Variants in TTC14 observed in about 807,000 individuals in gnomAD.
The protein encoded by TTC14 is tetratricopeptide repeat protein 14.
In TTC14, 63 loss-of-function variants were observed where a neutral mutation model predicts 79.9. That is an observed-to-expected ratio of 0.79 (90% CI 0.64 to 0.97). The LOEUF is 0.97. Ranked by LOEUF, TTC14 falls within the 50% of genes least tolerant of loss-of-function variation. TTC14 has a pLI of 0.00. For synonymous variants in TTC14, 335 were observed against 309.6 expected, an observed-to-expected ratio of 1.08 and a Z score of -0.86; for missense variants, 895 against 894.0, an observed-to-expected ratio of 1.00 and a Z score of -0.01.
downstream of TTC14, among the ~76,000 whole-genome samples, chr3:180,613,151 T>G (rs1717092931): frequency 6.6e-6 from 1 of 152,206 alleles, no homozygotes; most frequent in South Asian, 2.1e-4. Flanking sequence ...TATGCCATAT[T>G]AAGCAGAGTA....
chr3:180,605,093 C>A, intron 6 of TTC14, 86 bp downstream of exon 6: 2 of 1,356,820 alleles, frequency 1.5e-6, no homozygotes, highest in Non-Finnish European at 2.0e-6. Context: ...CGTATTTTAC[C>A]ATCCTAAGCC....
In TTC14 at chr3:180,603,199, G is replaced by A. The variant is rs759235167; in HGVS notation, c.362G>A (p.Arg121Gln). 1 of 1,613,846 alleles carries A rather than the reference G, an allele frequency of 6.2e-7. No homozygotes were observed. Among genetic ancestry groups the A allele is most frequent in the Non-Finnish European group, 8.5e-7 (1 of 1,180,010 alleles). The change falls in exon 3 of 12, where the codon CGA becomes CAA. Residue 121 changes from arginine to glutamine, a missense_variant. By Grantham distance (43) the Arg-to-Gln change is conservative. Coordinates refer to ENST00000296015, the MANE Select transcript of TTC14 (RefSeq NM_133462.4). ...ATGGATCGGAGAGAGCTGTTTTTCC[G>A]AGATATTGAGCGTGGTGATATAGTG... ...PSMDRRELFFRDIERGDIVIG... is the reference protein window; with the variant it reads ...PSMDRRELFFQDIERGDIVIG...
At chr3:180,611,134 G>T (rs1162491339), downstream of TTC14, 1 of 985,144 alleles carries the variant, frequency 1.0e-6, no homozygotes, top group South Asian at 4.7e-5. Context: ...ACAGTCATTG[G>T]CTTCCACCCA....
intron 12 of TTC14, chr3:180,616,134 C>T (rs768621176): frequency 5.9e-6 from 4 of 682,768 alleles, no homozygotes; most frequent in Non-Finnish European, 1.1e-5. Context: ...CTATATGATG[C>T]TGACTAGTGA....
chr3:180,604,052 C>T, intron 3 of TTC14, 173 bp from the exon 4 acceptor site: 1 of 632,408 alleles, frequency 1.6e-6, no homozygotes, highest in Non-Finnish European at 2.7e-6. Context: ...AACCAGCAAA[C>T]ATATTTTACT....
downstream of TTC14, chr3:180,615,167 A>G (rs11712658): frequency 0.042 from 39,095 of 937,952 alleles, 1,078 homozygotes; most frequent in East Asian, 0.093. Flanking sequence ...CCATAATTCC[A>G]TAAGTAAAGA....
intron 11 of TTC14, 181 bp from the exon 12 acceptor site, chr3:180,609,449 A>G (rs1716867367): frequency 7.7e-7 from 1 of 1,294,914 alleles, no homozygotes; most frequent in Non-Finnish European, 9.8e-7. Context: ...GTCTGCAAGC[A>G]TTTTTTCCCC....
chr3:180,609,937 C>A lies in TTC14; in HGVS notation c.1708C>A (p.Gln570Lys). Residue 570 changes from glutamine (Q) to lysine (K), a missense_variant, in exon 12 of 12, where the codon CAG (glutamine) becomes AAG (lysine). By Grantham distance (53) the Gln-to-Lys change is moderately conservative. Transcript: ENST00000296015. ...GGATAGGTTACAGTATGAAAAGACA[C>A]AGATAAAAGAGAAAGATAGATGCCC... Reference protein sequence around the residue: ...KQDRLQYEKTQIKEKDRCPLS... With the variant: ...KQDRLQYEKTKIKEKDRCPLS... 1 of 1,613,996 alleles carries A rather than the reference C, an allele frequency of 6.2e-7. No homozygotes were observed. Among genetic ancestry groups the A allele is most frequent in the Non-Finnish European group, 8.5e-7 (1 of 1,179,934 alleles).
In TTC14 at chr3:180,610,254, A is replaced by G; in HGVS notation, c.2025A>G (p.Ser675=). The part of the protein sequence containing the change: ...SVRHSTSPAS[S]EYSWKSVEKY... The stretch of plus-strand genomic sequence containing the variant: ...GGCATTCTACCTCACCAGCAAGCTC[A>G]GAATACTCTTGGAAGTCAGTTGAGA... Residue 675 remains serine, a synonymous_variant, in exon 12 of 12, where the codon TCA becomes TCG. Coordinates refer to ENST00000296015, the MANE Select transcript of TTC14 (RefSeq NM_133462.4). 6.2e-7 allele frequency: 1 copy of G among 1,614,008 alleles called. No homozygotes were observed. Among genetic ancestry groups the G allele is most frequent in the East Asian group, 2.2e-5 (1 of 44,860 alleles).
intron 9 of TTC14, 29 bp from the exon 10 acceptor site, chr3:180,607,619 A>G (rs754749395): frequency 2.5e-6 from 4 of 1,588,022 alleles, no homozygotes; most frequent in South Asian, 2.3e-5. Context: ...TGTTTTTACA[A>G]AAAAGCTAAA....
downstream of TTC14, among the ~76,000 whole-genome samples, chr3:180,618,159 A>G (rs1167572176): frequency 1.3e-5 from 2 of 152,198 alleles, no homozygotes; most frequent in Non-Finnish European, 2.9e-5. Flanking sequence ...GTACACTCTT[A>G]TGATGTTCAC....
chr3:180,613,559 T>C (rs1385242498), downstream of TTC14, among the ~76,000 whole-genome samples: 1 of 152,174 alleles, frequency 6.6e-6, no homozygotes, highest in Non-Finnish European at 1.5e-5. Context: ...TCGGTAAACT[T>C]GTAGGTAACT....
Position 180,610,036 on chromosome 3 carries a change from A to G in TTC14, c.1807A>G (p.Ser603Gly). Residue 603 changes from serine to glycine, a missense_variant, in exon 12 of 12, where the codon AGC (serine) becomes GGC (glycine). Coordinates refer to ENST00000296015, the MANE Select transcript of TTC14 (RefSeq NM_133462.4). ...RSEDPRDFYNSYKTQAGSSKT... is the reference protein window; with the variant it reads ...RSEDPRDFYNGYKTQAGSSKT... ...TGAAGATCCAAGAGATTTTTATAAC[A>G]GCTATAAAACCCAAGCAGGTAGTAG... The G allele has an allele frequency of 1.2e-6, 2 of 1,614,076 alleles. No individual in the cohort carries two copies. Among genetic ancestry groups the G allele is most frequent in the Non-Finnish European group, 1.7e-6 (2 of 1,179,962 alleles).
chr3:180,617,489 T>TA lies in TTC14; in HGVS notation c.1885dup (p.Thr629AsnfsTer2), dbSNP rs1321922375. 8.8e-6 allele frequency: 6 copies of TA among 683,274 alleles called. No homozygotes were observed. 42.3% of individuals were successfully genotyped at this position (683,274 alleles called of 1,614,324 possible). A position where few individuals can be genotyped will look rare whatever the true frequency, so the allele number is the denominator to read the frequency against. ...TCATAGATGACAGCTCCATTCATGT[T>TA]ACTGACCCTGAAGACCTTCAAGTGG... On this transcript the variant is annotated frameshift_variant, in exon 13 of 13. Transcript: ENST00000382584. LOFTEE classifies it high-confidence loss of function.
downstream of TTC14, among the ~76,000 whole-genome samples, chr3:180,618,184 G>A (rs74536799): frequency 0.078 from 11,819 of 152,034 alleles, 708 homozygotes; most frequent in African/African-American, 0.17. Context: ...TGACAAAATC[G>A]CCCAAGGATG....
At chr3:180,606,219 A>C in intron 7 of TTC14, 34 bp from the exon 8 acceptor site, 1 of 1,607,320 alleles carries the variant, frequency 6.2e-7, no homozygotes, top group Non-Finnish European at 8.5e-7. Context: ...TATTGTTTGA[A>C]GTGTTTGTGA....
chr3:180,602,209 A>T lies in TTC14; in HGVS notation c.-53A>T. 1 of 1,594,708 alleles carries T rather than the reference A, an allele frequency of 6.3e-7. No individual in the cohort carries two copies. The highest frequency in any genetic ancestry group is 1.3e-5 in the African/African-American group (1 of 74,508). ...GTACCACCCGGCTCAAGTAGCGGAC[A>T]CGGAACAGGGAACTATCAGCCCGTC... On this transcript the variant is annotated 5_prime_UTR_variant, in exon 1 of 12. Transcript: ENST00000296015.
chr3:180,610,167 A>T lies in TTC14; in HGVS notation c.1938A>T (p.Arg646Ser). The change falls in exon 12 of 12, where the codon AGA becomes AGT. Residue 646 changes from arginine to serine, a missense_variant. Coordinates refer to ENST00000296015, the MANE Select transcript of TTC14 (RefSeq NM_133462.4). ...AGGACAAGATTTATGGTTATAGGAG[A>T]TTTGAAAAGGATATAGAGGGAAGAA... ...NSEDKIYGYR[R>S]FEKDIEGRKE... 5 of 1,613,146 alleles carry T rather than the reference A, an allele frequency of 3.1e-6. No individual in the cohort carries two copies. Among genetic ancestry groups the T allele is most frequent in the Non-Finnish European group, 4.2e-6 (5 of 1,179,714 alleles).
At chr3:180,611,218 AC>A, downstream of TTC14, 1 of 948,824 alleles carries the variant, frequency 1.1e-6, no homozygotes, top group Non-Finnish European at 1.3e-6. Flanking sequence ...ATTATTTTTT[AC>A]CTCATTGCTA....
Sources: gnomAD v4.1 joint callset for allele counts (sites outside exome capture counted in the v4.1 genomes callset) on GRCh38, gnomAD v4.1.1 for gene constraint, MANE v1.5 for transcripts, NCBI Gene and HGNC (gene_info 2026-07-23, HGNC 2026-07-21) for gene names.